The following PTPRT variants were observed in gnomAD, a reference collection of about 807,000 sequenced individuals.
PTPRT encodes protein tyrosine phosphatase receptor type T, also known as receptor-type tyrosine-protein phosphatase T.
Under a neutral mutation model 176.8 loss-of-function variants are expected in PTPRT, and 56 were observed. That is an observed-to-expected ratio of 0.32 (90% CI 0.26 to 0.40). The LOEUF (loss-of-function observed/expected upper bound fraction) is 0.40, where lower values mean the gene tolerates loss of function less well. Among genes scored for constraint, PTPRT ranks in the 10% least tolerant of loss-of-function variants. The probability of loss-of-function intolerance (pLI) is 1.00; values close to 1 mark genes in which losing one functional copy is unlikely to be tolerated. For synonymous variants in PTPRT, 783 were observed against 739.0 expected, an observed-to-expected ratio of 1.06 and a Z score of -0.96; for missense variants, 1,540 against 1,908.2, an observed-to-expected ratio of 0.81 and a Z score of 3.60.
chr20:42,906,167 G>A (rs978168655), intron 1 of PTPRT, among the ~76,000 whole-genome samples: 11 of 152,122 alleles, frequency 7.2e-5, no homozygotes, highest in African/African-American at 2.4e-4. Context: ...ACCCACAAGC[G>A]TCTGGACATC....
intron 1 of PTPRT, among the ~76,000 whole-genome samples, chr20:43,097,209 G>A (rs925654462): frequency 8.5e-5 from 13 of 152,316 alleles, no homozygotes; most frequent in South Asian, 4.1e-4. Flanking sequence ...CGAGGGGCCT[G>A]AGCTACAGGA....
chr20:42,237,149 C>T (rs73268899), intron 14 of PTPRT, among the ~76,000 whole-genome samples: 5,976 of 152,218 alleles, frequency 0.039, 401 homozygotes, highest in African/African-American at 0.14. Context: ...ATTGACATTG[C>T]GGAACAGAAA....
chr20:42,598,089 T>C (rs1475668517), intron 7 of PTPRT, among the ~76,000 whole-genome samples: 1 of 151,910 alleles, frequency 6.6e-6, no homozygotes, highest in Non-Finnish European at 1.5e-5. Context: ...TAAAAATGAG[T>C]TCAAATAATT....
intron 28 of PTPRT, among the ~76,000 whole-genome samples, chr20:42,085,221 G>T (rs1283887804): frequency 6.6e-6 from 1 of 152,122 alleles, no homozygotes; most frequent in South Asian, 2.1e-4. Flanking sequence ...GGTAGGGGAG[G>T]TGCTGAGCTC....
intron 2 of PTPRT, among the ~76,000 whole-genome samples, chr20:42,825,800 T>C (rs951058928): frequency 1.2e-4 from 19 of 152,020 alleles, no homozygotes; most frequent in African/African-American, 4.6e-4. Context: ...GGACAAATGG[T>C]AACTGATTAA....
At chr20:42,220,822 C>T (rs2055869037) in intron 15 of PTPRT, among the ~76,000 whole-genome samples, 1 of 152,064 alleles carries the variant, frequency 6.6e-6, no homozygotes, top group Admixed American at 6.6e-5. Flanking sequence ...ACTCAAGAGG[C>T]CAATTTAAAA....
intron 1 of PTPRT, among the ~76,000 whole-genome samples, chr20:43,159,669 T>G (rs2014633290): frequency 6.6e-6 from 1 of 152,180 alleles, no homozygotes; most frequent in Admixed American, 6.5e-5. Context: ...TTTTACAACA[T>G]TGTTCTCTGG....
At chr20:42,508,008 T>C (rs1213710042) in intron 7 of PTPRT, among the ~76,000 whole-genome samples, 1 of 152,126 alleles carries the variant, frequency 6.6e-6, no homozygotes, top group Non-Finnish European at 1.5e-5. Context: ...TATTTAATCA[T>C]GCTTTTATCT....
chr20:42,570,974 T>C (rs1434383959), intron 7 of PTPRT, among the ~76,000 whole-genome samples: 1 of 152,136 alleles, frequency 6.6e-6, no homozygotes, highest in Non-Finnish European at 1.5e-5. Context: ...TGGGTTATTC[T>C]GCCCACCCTA....
intron 7 of PTPRT, among the ~76,000 whole-genome samples, chr20:42,511,145 C>A (rs1389774197): frequency 6.6e-6 from 1 of 152,094 alleles, no homozygotes; most frequent in African/African-American, 2.4e-5. Context: ...CTAAAGGAGT[C>A]CTCACCAATA....
At chr20:42,353,552 A>G (rs867690017) in intron 9 of PTPRT, among the ~76,000 whole-genome samples, 5 of 152,314 alleles carry the variant, frequency 3.3e-5, no homozygotes, top group Admixed American at 6.5e-5. Flanking sequence ...CTGATCACAC[A>G]CTTGAGTGTC....
intron 1 of PTPRT, among the ~76,000 whole-genome samples, chr20:42,894,331 C>G (rs1223436875): frequency 6.6e-6 from 1 of 152,072 alleles, no homozygotes; most frequent in Non-Finnish European, 1.5e-5. Flanking sequence ...GTCAAAGAGA[C>G]GGGGACAGAA....
At chr20:42,711,146 A>G (rs2076138675) in intron 6 of PTPRT, among the ~76,000 whole-genome samples, 1 of 152,234 alleles carries the variant, frequency 6.6e-6, no homozygotes, top group Non-Finnish European at 1.5e-5. Context: ...TTTGAGTCTC[A>G]GATAAGACTA....
chr20:42,293,117 GA>G (rs1385942116), intron 12 of PTPRT, among the ~76,000 whole-genome samples: 1 of 152,190 alleles, frequency 6.6e-6, no homozygotes, highest in Non-Finnish European at 1.5e-5. Flanking sequence ...CCAAGGCCAT[GA>G]GCCATACTCT....
chr20:43,115,347 T>G (rs529719763), intron 1 of PTPRT, among the ~76,000 whole-genome samples: 26 of 152,268 alleles, frequency 1.7e-4, no homozygotes, highest in Admixed American at 3.9e-4. Context: ...TCCAGCATAG[T>G]TCATCAAGGT....
intron 2 of PTPRT, among the ~76,000 whole-genome samples, chr20:42,794,264 G>C (rs1210593908): frequency 1.3e-5 from 2 of 152,122 alleles, no homozygotes; most frequent in African/African-American, 4.8e-5. Flanking sequence ...TGAGTATGAT[G>C]TGTGCCACTT....
chr20:42,505,653 ATTTGT>A (rs1458955476), intron 7 of PTPRT, among the ~76,000 whole-genome samples: 1 of 152,166 alleles, frequency 6.6e-6, no homozygotes, highest in Non-Finnish European at 1.5e-5. Flanking sequence ...CTCTTCAATT[ATTTGT>A]TGAAATGACA....
chr20:42,826,965 C>T (rs2078004629), intron 2 of PTPRT, among the ~76,000 whole-genome samples: 1 of 152,062 alleles, frequency 6.6e-6, no homozygotes, highest in South Asian at 2.1e-4. Context: ...ACAAGGAAGG[C>T]CATTACATAA....
intron 9 of PTPRT, among the ~76,000 whole-genome samples, chr20:42,377,774 G>A (rs1381226970): frequency 6.6e-6 from 1 of 152,194 alleles, no homozygotes; most frequent in Non-Finnish European, 1.5e-5. Context: ...TAAATTGCCT[G>A]TGGAAGACAT....
Sources: allele counts gnomAD v4.1 joint callset (sites outside exome capture counted in the v4.1 genomes callset), GRCh38; gene constraint gnomAD v4.1.1; transcripts MANE v1.5; gene names NCBI Gene and HGNC (gene_info 2026-07-23, HGNC 2026-07-21).